The following CDH13 variants were observed in gnomAD, a reference collection of about 807,000 sequenced individuals.
CDH13 encodes the protein cadherin-13.
CDH13 carries 24 observed loss-of-function variants against 63.8 expected under a neutral mutation model. The ratio of observed to expected loss-of-function variants is 0.38; its 90% confidence interval spans 0.27 to 0.53. CDH13 has a LOEUF of 0.53. CDH13 is among the 20% of genes least tolerant of loss of function. CDH13 has a pLI of 0.85. For synonymous variants in CDH13, 503 were observed against 355.3 expected, an observed-to-expected ratio of 1.42 and a Z score of -4.67; for missense variants, 1,049 against 903.1, an observed-to-expected ratio of 1.16 and a Z score of -2.07.
chr16:83,110,167 G>A (rs1158265500), intron 3 of CDH13, among the ~76,000 whole-genome samples: 1 of 152,220 alleles, frequency 6.6e-6, no homozygotes, highest in Non-Finnish European at 1.5e-5. Flanking sequence ...AGAAAACAAA[G>A]TCTGTTTAAG....
chr16:83,410,793 G>C (rs998056357), intron 6 of CDH13, among the ~76,000 whole-genome samples: 14 of 152,142 alleles, frequency 9.2e-5, no homozygotes, highest in African/African-American at 3.4e-4. Context: ...CCAACATTTT[G>C]ATTGTTTTCT....
At chr16:82,939,139 C>A (rs1022509178) in intron 2 of CDH13, among the ~76,000 whole-genome samples, 4 of 152,150 alleles carry the variant, frequency 2.6e-5, no homozygotes, top group Non-Finnish European at 4.4e-5. Context: ...GCAGTGGTCA[C>A]AAGGCTGGGT....
intron 5 of CDH13, among the ~76,000 whole-genome samples, chr16:83,221,458 G>A (rs539294614): frequency 6.6e-6 from 1 of 152,162 alleles, no homozygotes; most frequent in African/African-American, 2.4e-5. Context: ...CAGCATTTGA[G>A]TGATATGTGA....
intron 4 of CDH13, among the ~76,000 whole-genome samples, chr16:83,127,061 G>C (rs1249384152): frequency 6.6e-6 from 1 of 152,196 alleles, no homozygotes; most frequent in Non-Finnish European, 1.5e-5. Flanking sequence ...GAAAGGAACA[G>C]TTACAGGTAT....
intron 1 of CDH13, among the ~76,000 whole-genome samples, chr16:82,725,656 T>A (rs1197050199): frequency 1.3e-5 from 2 of 152,204 alleles, no homozygotes; most frequent in Non-Finnish European, 2.9e-5. Flanking sequence ...TGGTGGCTTT[T>A]CTCTATACAT....
chr16:82,699,165 C>G (rs1226041545), intron 1 of CDH13, among the ~76,000 whole-genome samples: 2 of 152,122 alleles, frequency 1.3e-5, no homozygotes, highest in Middle Eastern at 3.2e-3. Flanking sequence ...GTGGATATTT[C>G]TAATAGCTCC....
chr16:83,563,437 G>T (rs2075742047), intron 7 of CDH13, among the ~76,000 whole-genome samples: 1 of 152,186 alleles, frequency 6.6e-6, no homozygotes, highest in Non-Finnish European at 1.5e-5. Flanking sequence ...TTAAGGCAAT[G>T]TACAAAGACA....
At chr16:83,511,371 A>G (rs1285960191) in intron 7 of CDH13, among the ~76,000 whole-genome samples, 3 of 152,096 alleles carry the variant, frequency 2.0e-5, no homozygotes, top group South Asian at 2.1e-4. Flanking sequence ...CTGAAGCAGG[A>G]AGATTGCTTG....
At chr16:83,749,751 A>T (rs980960954) in intron 11 of CDH13, among the ~76,000 whole-genome samples, 3 of 152,130 alleles carry the variant, frequency 2.0e-5, no homozygotes, top group Non-Finnish European at 4.4e-5. Flanking sequence ...AATTATTTGG[A>T]AGGTTAGTCA....
At chr16:83,081,485 C>T (rs2033249876) in intron 3 of CDH13, among the ~76,000 whole-genome samples, 1 of 152,142 alleles carries the variant, frequency 6.6e-6, no homozygotes. Context: ...CAGAGTGTAC[C>T]ACTTCAGAGA....
chr16:83,554,071 T>G (rs917665931), intron 7 of CDH13, among the ~76,000 whole-genome samples: 2 of 152,214 alleles, frequency 1.3e-5, no homozygotes, highest in Admixed American at 1.3e-4. Flanking sequence ...AAAGGTATGA[T>G]CATTTTAGGA....
chr16:83,550,481 T>C (rs1456387799), intron 7 of CDH13, among the ~76,000 whole-genome samples: 1 of 151,826 alleles, frequency 6.6e-6, no homozygotes, highest in African/African-American at 2.4e-5. Flanking sequence ...ATGGAGACAA[T>C]TGATTGATAG....
chr16:83,712,029 CAG>C (rs1166330317), intron 10 of CDH13, among the ~76,000 whole-genome samples: 1 of 152,232 alleles, frequency 6.6e-6, no homozygotes. Context: ...TGTGTCCTCA[CAG>C]AGTCTTCCCT....
chr16:82,725,050 G>A (rs575328925), intron 1 of CDH13, among the ~76,000 whole-genome samples: 3 of 152,188 alleles, frequency 2.0e-5, no homozygotes, highest in South Asian at 4.2e-4. Context: ...ATAAATATTA[G>A]CTTATTTTGT....
At chr16:83,238,151 T>C (rs1904279205) in intron 5 of CDH13, among the ~76,000 whole-genome samples, 1 of 152,038 alleles carries the variant, frequency 6.6e-6, no homozygotes, top group African/African-American at 2.4e-5. Flanking sequence ...ACTGTTCTGG[T>C]CTTTGCTGAG....
intron 7 of CDH13, among the ~76,000 whole-genome samples, chr16:83,505,977 A>G (rs1355083633): frequency 6.6e-6 from 1 of 152,186 alleles, no homozygotes; most frequent in Non-Finnish European, 1.5e-5. Flanking sequence ...AGAAGCTGAG[A>G]GTCACAGGGA....
At chr16:82,710,552 A>ATATAT (rs1555537841) in intron 1 of CDH13, among the ~76,000 whole-genome samples, 92 of 63,744 alleles carry the variant, frequency 1.4e-3, no homozygotes, top group East Asian at 6.6e-3. Flanking sequence ...AAAAAAAAAA[A>ATATAT]ATATATATAT....
intron 6 of CDH13, among the ~76,000 whole-genome samples, chr16:83,406,010 C>T (rs1022954128): frequency 6.6e-6 from 1 of 152,242 alleles, no homozygotes; most frequent in African/African-American, 2.4e-5. Flanking sequence ...TGGGCACTCC[C>T]ACCTTCTTCC....
chr16:83,010,167 A>T (rs1246307226), intron 2 of CDH13, among the ~76,000 whole-genome samples: 1 of 148,702 alleles, frequency 6.7e-6, no homozygotes, highest in African/African-American at 2.5e-5. Flanking sequence ...AAAAAACAAG[A>T]ATGGCTCAGG....
Sources: gnomAD v4.1 joint callset for allele counts (sites outside exome capture counted in the v4.1 genomes callset) on GRCh38, gnomAD v4.1.1 for gene constraint, MANE v1.5 for transcripts, NCBI Gene and HGNC (gene_info 2026-07-23, HGNC 2026-07-21) for gene names.